TRAF2: variants seen among roughly 807,000 people sequenced by gnomAD.
TRAF2 encodes TNF receptor-associated factor 2.
A neutral mutation model predicts 55.6 loss-of-function variants in TRAF2; 6 were observed. The observed-to-expected ratio is 0.11, with a 90% CI of 0.06 to 0.21. The LOEUF (loss-of-function observed/expected upper bound fraction) is 0.21. TRAF2 is among the 10% of genes least tolerant of loss of function. TRAF2 has a pLI of 1.00. For missense variants in TRAF2, 561 were observed against 684.5 expected, an observed-to-expected ratio of 0.82 and a Z score of 2.01; for synonymous variants, 329 against 276.3, an observed-to-expected ratio of 1.19 and a Z score of -1.89.
chr9:136,925,805 CCT>C lies in TRAF2; in HGVS notation c.1413_1414del (p.Phe472LeufsTer261). On this transcript the variant is annotated frameshift_variant, in exon 11 of 11. Transcript: ENST00000247668. LOFTEE classifies it high-confidence loss of function. ...ACATGAACATCGCAAGCGGCTGCCC[CCT>C]CTTCTGCCCCGTCTCCAAGATGGAG... ...NDMNIASGCP[L>X]FCPVSKMEAK... is the part of the protein sequence containing the mutation. 6.2e-7 allele frequency: 1 copy of C among 1,614,266 alleles called. No individual in the cohort carries two copies. Among genetic ancestry groups the C allele is most frequent in the Non-Finnish European group, 8.5e-7 (1 of 1,180,050 alleles).
In TRAF2 at chr9:136,900,501, G is replaced by C. The variant is rs1192271716; in HGVS notation, c.347G>C (p.Gly116Ala). ...VCPSDGCTWK[G>A]TLKEYESCHE... ...CCCAGTGATGGATGCACCTGGAAGG[G>C]GACCCTGAAAGAATACGAGGTAAAG... Residue 116 changes from glycine (G) to alanine (A), a missense_variant, in exon 4 of 11, where the codon GGG becomes GCG. Gly to Ala is a moderately conservative substitution (Grantham distance 60). Transcript: ENST00000247668. 1 of 1,613,910 alleles carries C rather than the reference G, an allele frequency of 6.2e-7. No individual in the cohort carries two copies. Among genetic ancestry groups the C allele is most frequent in the Non-Finnish European group, 8.5e-7 (1 of 1,179,982 alleles).
chr9:136,910,869 C>A (rs1371292304), intron 6 of TRAF2, among the ~76,000 whole-genome samples: 2 of 152,252 alleles, frequency 1.3e-5, no homozygotes, highest in African/African-American at 4.8e-5. Flanking sequence ...AAATGTCCCG[C>A]ACTGTGAGCT....
intron 1 of TRAF2, among the ~76,000 whole-genome samples, chr9:136,888,118 G>A (rs1435857791): frequency 6.6e-6 from 1 of 152,134 alleles, no homozygotes; most frequent in Non-Finnish European, 1.5e-5. Flanking sequence ...TGATCCACCC[G>A]CCTCGGCCTC....
At chr9:136,914,031 C>CG (rs2131318542) in intron 6 of TRAF2, among the ~76,000 whole-genome samples, 1 of 152,316 alleles carries the variant, frequency 6.6e-6, no homozygotes, top group Admixed American at 6.5e-5. Flanking sequence ...TTGGCAGTGA[C>CG]GGACACCTCG....
At position 136,919,295 on chromosome 9, in the gene TRAF2, C is replaced by CTTTTTTT. The variant is rs34390498; in HGVS notation, c.679-925_679-919dup. Among the ~76,000 whole-genome samples the CTTTTTTT allele has an allele frequency of 7.8e-5, 7 of 90,208 alleles. 1 individual carries two copies. Among genetic ancestry groups the CTTTTTTT allele is most frequent in the Non-Finnish European group, 1.2e-4 (6 of 50,366 alleles). The allele number at this position is 90,208 out of a possible 152,430, so 59.2% of individuals were successfully genotyped here. A position where few individuals can be genotyped will look rare whatever the true frequency, so the allele number is the denominator to read the frequency against. On this transcript the variant is annotated intron_variant, in intron 7 of 10. Coordinates refer to ENST00000247668, the MANE Select transcript of TRAF2 (RefSeq NM_021138.4). Reference sequence around the variant, plus strand: ...AGGCTTCTCTGGAACTTGTGGGTGGCTTTTTTTTTTTTTTTTTTTTGAGAC... The same window carrying CTTTTTTT: ...AGGCTTCTCTGGAACTTGTGGGTGGCTTTTTTTTTTTTTTTTTTTTTTTTTTTGAGAC...
intron 6 of TRAF2, among the ~76,000 whole-genome samples, chr9:136,910,248 G>T (rs1209211913): frequency 6.6e-6 from 1 of 152,206 alleles, no homozygotes; most frequent in African/African-American, 2.4e-5. Flanking sequence ...TTTTCAGCAG[G>T]TCACTTCCTA....
intron 6 of TRAF2, among the ~76,000 whole-genome samples, chr9:136,915,854 T>G (rs1346534491): frequency 6.6e-6 from 1 of 152,196 alleles, no homozygotes; most frequent in Non-Finnish European, 1.5e-5. Flanking sequence ...GGAAACTGAT[T>G]CACAGTTACG....
At chr9:136,899,534 G>T in intron 2 of TRAF2, 60 bp from the exon 3 acceptor site, 2 of 1,515,042 alleles carry the variant, frequency 1.3e-6, no homozygotes, top group Non-Finnish European at 1.8e-6. Flanking sequence ...GAAGCAAATG[G>T]TGTTTGTTTT....
At chr9:136,889,981 CCG>C (rs1491357486) in intron 1 of TRAF2, among the ~76,000 whole-genome samples, 5 of 73,836 alleles carry the variant, frequency 6.8e-5, no homozygotes, top group African/African-American at 2.9e-4. Context: ...CAGCCGGTCA[CCG>C]CGTGTGTGAG....
chr9:136,900,723 C>A, intron 4 of TRAF2: 1 of 624,182 alleles, frequency 1.6e-6, no homozygotes, highest in South Asian at 1.6e-5. Flanking sequence ...AGACCTGCAC[C>A]ATGGAGCTTG....
intron 7 of TRAF2, 88 bp downstream of exon 7, chr9:136,916,703 CCAGCTGCTCCT>C: frequency 7.6e-7 from 1 of 1,318,068 alleles, no homozygotes; most frequent in South Asian, 1.2e-5. Context: ...TGGTTTCCTT[CCAGCTGCTCCT>C]CAGCCACCTC....
intron 5 of TRAF2, among the ~76,000 whole-genome samples, chr9:136,909,152 C>T (rs897023597): frequency 1.1e-4 from 16 of 152,172 alleles, no homozygotes; most frequent in Non-Finnish European, 1.8e-4. Flanking sequence ...GGTGGGTGTG[C>T]GTCCGTCCTC....
intron 1 of TRAF2, among the ~76,000 whole-genome samples, chr9:136,892,783 G>A (rs1217986526): frequency 9.9e-5 from 15 of 152,074 alleles, no homozygotes. Context: ...GGGAGGCTGA[G>A]GCAGGAGAAT....
chr9:136,886,467 AGCG>A (rs758131750), upstream of TRAF2: 241 of 1,002,700 alleles, frequency 2.4e-4, no homozygotes, highest in South Asian at 1.5e-3. Flanking sequence ...CACGCGGCGG[AGCG>A]GCGGCGGCGG....
chr9:136,883,488 A>C (rs1451118802), upstream of TRAF2, among the ~76,000 whole-genome samples: 4 of 152,054 alleles, frequency 2.6e-5, no homozygotes, highest in African/African-American at 9.7e-5. Flanking sequence ...CGTTACCCTG[A>C]AGGAAGTAGA....
At position 136,926,544 on chromosome 9, in the gene TRAF2, G is replaced by C. The variant is rs527651394; in HGVS notation, c.*643G>C. Reference sequence around the variant, plus strand: ...GTGGGAGGTGCACAGCACAGCCTGCGGGTAAAGTGTGAGAGCTTGCCATCC... The same window carrying C: ...GTGGGAGGTGCACAGCACAGCCTGCCGGTAAAGTGTGAGAGCTTGCCATCC... On this transcript the variant is annotated 3_prime_UTR_variant, in exon 11 of 11. Coordinates refer to ENST00000247668, the MANE Select transcript of TRAF2 (RefSeq NM_021138.4). 9 of 172,438 alleles carry C rather than the reference G, an allele frequency of 5.2e-5. No individual in the cohort carries two copies. Among genetic ancestry groups the C allele is most frequent in the Admixed American group, 4.3e-4 (8 of 18,502 alleles). The allele number at this position is 172,438 out of a possible 1,614,324, so 10.7% of individuals were successfully genotyped here.
At chr9:136,888,293 G>C (rs767473551) in intron 1 of TRAF2, among the ~76,000 whole-genome samples, 8 of 152,148 alleles carry the variant, frequency 5.3e-5, no homozygotes, top group Admixed American at 2.0e-4. Flanking sequence ...TTAGAATCAG[G>C]TGCCATTGAC....
At chr9:136,894,085 C>T (rs545556263) in intron 1 of TRAF2, among the ~76,000 whole-genome samples, 5 of 108,896 alleles carry the variant, frequency 4.6e-5, no homozygotes, top group African/African-American at 1.1e-4. Context: ...CTTGCCTCAT[C>T]GCCCAGGCTG....
rs143521961 is a variant in TRAF2 at position 136,925,227 on chromosome 9, T to C, written c.1288-456T>C. ...TGTGGAGGGCCCACAGGCCCTTGTC[T>C]GTCCTGGGGCATCCAGGTTCACAGT... On this transcript the variant is annotated intron_variant, in intron 10 of 10. Transcript: ENST00000247668. Among the ~76,000 whole-genome samples, 1,204 of 152,230 alleles carry C rather than the reference T, an allele frequency of 7.9e-3. 8 individuals carry two copies. Among genetic ancestry groups the C allele is most frequent in the Non-Finnish European group, 0.014 (929 of 68,000 alleles).
Sources: allele counts gnomAD v4.1 joint callset (sites outside exome capture counted in the v4.1 genomes callset), GRCh38; gene constraint gnomAD v4.1.1; transcripts MANE v1.5; gene names NCBI Gene and HGNC (gene_info 2026-07-23, HGNC 2026-07-21).